The following BTD variants were observed in gnomAD, a reference collection of about 807,000 sequenced individuals.
BTD encodes biocytinase.
Under a neutral mutation model 17.7 loss-of-function variants are expected in BTD, and 13 were observed. The observed-to-expected ratio is 0.74, with a 90% confidence interval of 0.48 to 1.17. The LOEUF is 1.17. Ranked by LOEUF, BTD falls within the 50% of genes most tolerant of loss-of-function variation. The probability of loss-of-function intolerance (pLI) is 0.00; values close to 1 mark genes in which losing one functional copy is unlikely to be tolerated. For synonymous variants in BTD, 240 were observed against 245.2 expected (o/e 0.98, Z 0.20); for missense variants, 674 against 650.4 (o/e 1.04, Z -0.39).
intron 3 of BTD, among the ~76,000 whole-genome samples, chr3:15,709,342 T>C (rs951582054): frequency 2.6e-5 from 4 of 152,134 alleles, no homozygotes; most frequent in Admixed American, 6.6e-5. Context: ...CTAGGTATTG[T>C]GAGTTTCTTG....
chr3:15,662,639 A>G lies in BTD; in HGVS notation c.399+20582A>G, dbSNP rs375403254. On this transcript the variant is annotated intron_variant, in intron 3 of 3. Transcript: ENST00000672141. ...GCTAAAACTTTCAGTATGATGTTGA[A>G]AAGCAGTGGTGAAGGGGGCCATCCA... 3.6e-4 allele frequency among the ~76,000 whole-genome samples: 55 copies of G among 152,144 alleles called. 2 individuals are homozygous for G. The highest frequency in any genetic ancestry group is 1.0e-3 in the Admixed American group (16 of 15,288).
intron 1 of BTD, among the ~76,000 whole-genome samples, chr3:15,624,763 C>T (rs2065028630): frequency 6.6e-6 from 1 of 152,142 alleles, no homozygotes; most frequent in Non-Finnish European, 1.5e-5. Context: ...CCCTCTGTCA[C>T]CTCCCTCTGT....
At chr3:15,668,731 C>A (rs1345839656) in intron 3 of BTD, 1 of 152,480 alleles carries the variant, frequency 6.6e-6, no homozygotes, top group African/African-American at 2.4e-5. Flanking sequence ...ATTAATTCTT[C>A]AAAAAACCCA....
downstream of BTD, chr3:15,714,752 A>G (rs1348407871): frequency 3.7e-6 from 3 of 804,320 alleles, no homozygotes; most frequent in Non-Finnish European, 5.4e-6. Flanking sequence ...TTATTTTTAT[A>G]ACTATTTTAC....
Position 15,635,326 on chromosome 3 carries a change from A to T in BTD, c.-16-98A>T. 6.4e-7 allele frequency: 1 copy of T among 1,564,756 alleles called. No homozygotes were observed. Among genetic ancestry groups the T allele is most frequent in the South Asian group, 1.1e-5 (1 of 89,456 alleles). ...TTGAGCCGCAGTATCACTGCGAGTG[A>T]GTTTAATTGCTGGGATTAATAAATC... On this transcript the variant is annotated intron_variant, in intron 1 of 3. Transcript: ENST00000643237. The surrounding 1 kb of genome is among the most constrained non-coding windows in gnomAD (Gnocchi z 4.1).
At chr3:15,607,436 C>T (rs993289460) in intron 1 of BTD, among the ~76,000 whole-genome samples, 1 of 152,178 alleles carries the variant, frequency 6.6e-6, no homozygotes, top group African/African-American at 2.4e-5. Flanking sequence ...TCCAGGCAAC[C>T]AGGTAATTTA....
intron 3 of BTD, chr3:15,685,438 G>T: frequency 6.2e-7 from 1 of 1,613,884 alleles, no homozygotes; most frequent in Non-Finnish European, 8.5e-7. Context: ...TTCATGGCCT[G>T]TAACTGCCTG....
At chr3:15,659,178 T>C (rs1041510515) in intron 3 of BTD, among the ~76,000 whole-genome samples, 1 of 152,232 alleles carries the variant, frequency 6.6e-6, no homozygotes, top group African/African-American at 2.4e-5. Flanking sequence ...TCAAAATTAG[T>C]ATATCTCACA....
rs1294215777 is a variant in BTD at position 15,653,663 on chromosome 3, A to G, written c.*8175A>G. Among the ~76,000 whole-genome samples the G allele has an allele frequency of 6.6e-6, 1 of 152,220 alleles. No individual in the cohort carries two copies. Among genetic ancestry groups the G allele is most frequent in the Non-Finnish European group, 1.5e-5 (1 of 68,050 alleles). ...CTATTCAGTGATCTGGAAGAACTCT[A>G]ATGTTCTAAAGTGATTCTTTGATAA... On this transcript the variant is annotated 3_prime_UTR_variant, in exon 4 of 4. Coordinates refer to ENST00000643237, the MANE Select transcript of BTD (RefSeq NM_001370658.1).
chr3:15,667,533 T>G (rs1018970478), intron 3 of BTD: 1 of 152,250 alleles, frequency 6.6e-6, no homozygotes, highest in African/African-American at 2.4e-5. Context: ...GAACAGGGCC[T>G]GAATGCTTTA....
intron 2 of BTD, among the ~76,000 whole-genome samples, chr3:15,640,725 A>T (rs187632158): frequency 6.6e-6 from 1 of 152,140 alleles, no homozygotes; most frequent in Admixed American, 6.6e-5. Context: ...GGAAGTCAAG[A>T]TGTAAAACCA....
At chr3:15,719,634 T>A (rs1001772022) in intron 4 of BTD, among the ~76,000 whole-genome samples, 1 of 152,172 alleles carries the variant, frequency 6.6e-6, no homozygotes, top group Non-Finnish European at 1.5e-5. Context: ...AGTGGTGCGA[T>A]CATAGTTCAC....
In BTD at chr3:15,698,967, A is replaced by C. The variant is rs928706508; in HGVS notation, c.400-11093A>C. On this transcript the variant is annotated intron_variant, in intron 3 of 3. Coordinates refer to the BTD transcript ENST00000672141. ...AAGCCAAAAGAACAAAGCTGGAAGC[A>C]TCATGCTACCTGACTTCAAACTACA... 1.6e-4 allele frequency among the ~76,000 whole-genome samples: 24 copies of C among 152,364 alleles called. 1 individual carries two copies. Among genetic ancestry groups the C allele is most frequent in the Middle Eastern group, 3.4e-3 (1 of 294 alleles).
chr3:15,652,195 A>T lies in BTD; in HGVS notation c.*6707A>T, dbSNP rs958996729. ...TACAAAAATTAGCCGGCATGGTGGC[A>T]CACGCCTGTAGTCCCAGCTAGTCGG... is the stretch of plus-strand genomic sequence containing the variant. On this transcript the variant is annotated 3_prime_UTR_variant, in exon 4 of 4. Transcript: ENST00000643237. Among the ~76,000 whole-genome samples, 1 of 152,218 alleles carries T rather than the reference A, an allele frequency of 6.6e-6. No individual in the cohort carries two copies. The highest frequency in any genetic ancestry group is 2.4e-5 in the African/African-American group (1 of 41,456).
intron 3 of BTD, chr3:15,669,342 C>T (rs2066151104): frequency 6.6e-6 from 1 of 152,192 alleles, no homozygotes; most frequent in Admixed American, 6.5e-5. Context: ...GTTGAAGACT[C>T]CATGCCCCAG....
chr3:15,674,199 G>GAAA lies in BTD; in HGVS notation c.399+32144_399+32145insAAA, dbSNP rs1465227879. Among the ~76,000 whole-genome samples the GAAA allele has an allele frequency of 2.7e-4, 15 of 56,104 alleles. No homozygotes were observed. The East Asian group carries it at 8.4e-3, about 32-fold the overall frequency. The allele number at this position is 56,104 out of a possible 152,430, so 36.8% of individuals were successfully genotyped here. On this transcript the variant is annotated intron_variant, in intron 3 of 3. Coordinates refer to the BTD transcript ENST00000672141. ...CAAAAAAAAAAAAAAAAAAAAAAAA[G>GAAA]AAGAAGAACCGAAATTCAAGAGTAA...
At chr3:15,643,638 ACTTTT>A (rs2065599033) in intron 3 of BTD, among the ~76,000 whole-genome samples, 1 of 152,196 alleles carries the variant, frequency 6.6e-6, no homozygotes, top group African/African-American at 2.4e-5. Flanking sequence ...TTTGTGGGTC[ACTTTT>A]CTTTGTCCTT....
chr3:15,708,507 A>AT (rs1465193633), intron 3 of BTD, among the ~76,000 whole-genome samples: 2 of 152,186 alleles, frequency 1.3e-5, no homozygotes, highest in Admixed American at 1.3e-4. Context: ...ATTAAAAAAA[A>AT]TGTAATTAAC....
In BTD at chr3:15,631,599, A is replaced by G. The variant is rs933982924; in HGVS notation, c.-16-3825A>G. The G allele has an allele frequency of 1.7e-5, 18 of 1,034,580 alleles. No homozygotes were observed. The African/African-American group carries it at 2.8e-4, about 16-fold the overall frequency. 64.1% of individuals were successfully genotyped at this position (1,034,580 alleles called of 1,614,324 possible). A position where few individuals can be genotyped will look rare whatever the true frequency, so the allele number is the denominator to read the frequency against. On this transcript the variant is annotated intron_variant, in intron 1 of 3. Coordinates refer to ENST00000643237, the MANE Select transcript of BTD (RefSeq NM_001370658.1). ...AATTGAGACTGATTTTTCCTATTAG[A>G]TGGAAAGAACCTTCCTGATCAGGAC...
Sources: allele counts gnomAD v4.1 joint callset (sites outside exome capture counted in the v4.1 genomes callset), GRCh38; gene constraint gnomAD v4.1.1; non-coding constraint Gnocchi (gnomAD v3.1); transcripts MANE v1.5; gene names NCBI Gene and HGNC (gene_info 2026-07-23, HGNC 2026-07-21).